NEMP2: variants seen among roughly 807,000 people sequenced by gnomAD.
NEMP2 encodes nuclear envelope integral membrane protein 2, also known as UPF0571 transmembrane protein.
A neutral mutation model predicts 54.2 loss-of-function variants in NEMP2; 53 were observed. The observed-to-expected ratio is 0.98, with a 90% confidence interval of 0.78 to 1.23. NEMP2 has a LOEUF of 1.23. NEMP2 is among the 50% of genes most tolerant of loss of function. The pLI is 0.00. For missense variants in NEMP2, 455 were observed against 511.3 expected, an observed-to-expected ratio of 0.89 and a Z score of 1.06; for synonymous variants, 197 against 190.3, an observed-to-expected ratio of 1.04 and a Z score of -0.29.
chr2:190,437,248 G>C, the NEMP2 span: 1 of 1,614,042 alleles, frequency 6.2e-7, no homozygotes, highest in Non-Finnish European at 8.5e-7. The surrounding 1 kb of genome is among the most constrained non-coding windows in gnomAD (Gnocchi z 5.9). Context: ...GAAAGAGGTG[G>C]AGATCCCGCA....
chr2:190,638,392 C>T, the NEMP2 span, among the ~76,000 whole-genome samples: 2 of 151,998 alleles, frequency 1.3e-5, no homozygotes, highest in Admixed American at 6.6e-5. This position sits in a 1 kb window ranked among gnomAD's most constrained non-coding sequence, Gnocchi z 5.7. Context: ...GAGTGGAAGG[C>T]GACAATAAGC....
the NEMP2 span, chr2:190,463,947 CTG>C: frequency 2.1e-6 from 2 of 946,996 alleles, no homozygotes; most frequent in East Asian, 2.3e-4. This position sits in a 1 kb window ranked among gnomAD's most constrained non-coding sequence, Gnocchi z 4.4. Context: ...AGACTGTAGA[CTG>C]TGCTCCAGGG....
chr2:190,429,875 C>T, the NEMP2 span, among the ~76,000 whole-genome samples: 8 of 151,598 alleles, frequency 5.3e-5, no homozygotes, highest in East Asian at 1.9e-4. Context: ...ACTTTAAGTT[C>T]TAGGGTACAT....
At chr2:190,501,437 G>T (rs976654462), downstream of NEMP2, 6 of 152,198 alleles carry the variant, frequency 3.9e-5, no homozygotes, top group African/African-American at 1.2e-4. Context: ...TGGATCGCAC[G>T]TAAAGCTTGC....
the NEMP2 span, among the ~76,000 whole-genome samples, chr2:190,457,424 GA>G: frequency 2.0e-5 from 3 of 152,150 alleles, no homozygotes; most frequent in Non-Finnish European, 2.9e-5. The surrounding 1 kb of genome is among the most constrained non-coding windows in gnomAD (Gnocchi z 5.1). Context: ...CTACCCCCAG[GA>G]CTCAGACTTT....
chr2:190,629,981 G>A, the NEMP2 span, among the ~76,000 whole-genome samples: 1 of 152,252 alleles, frequency 6.6e-6, no homozygotes, highest in Non-Finnish European at 1.5e-5. Context: ...GCTACCAAGA[G>A]GGGGATGTGC....
chr2:190,442,046 TA>T, the NEMP2 span, among the ~76,000 whole-genome samples: 1 of 152,138 alleles, frequency 6.6e-6, no homozygotes, highest in African/African-American at 2.4e-5. Flanking sequence ...AATTATTGAT[TA>T]AAAAGCAAAA....
the NEMP2 span, among the ~76,000 whole-genome samples, chr2:190,569,236 A>G: frequency 6.6e-6 from 1 of 152,348 alleles, no homozygotes; most frequent in African/African-American, 2.4e-5. Context: ...AAATGACAAT[A>G]TATGTATTTT....
rs1321547638 is a variant in NEMP2, at chr2:190,505,396, C to G, written c.*3793G>C. ...TCATGAGGTGCAAATTAAGAGGTAT[C>G]GAAGGTGCCTCATATAGTGCCTGAT... On this transcript the variant is annotated 3_prime_UTR_variant, in exon 9 of 9. Transcript: ENST00000409150. This position sits in a 1 kb window ranked among gnomAD's most constrained non-coding sequence, Gnocchi z 5.8. 1 of 152,070 alleles carries G rather than the reference C, an allele frequency of 6.6e-6. No individual in the cohort carries two copies. The highest frequency in any genetic ancestry group is 1.5e-5 in the Non-Finnish European group (1 of 68,020). 9.4% of individuals were successfully genotyped at this position (152,070 alleles called of 1,614,324 possible). A position where few individuals can be genotyped will look rare whatever the true frequency, so the allele number is the denominator to read the frequency against.
chr2:190,585,276 C>T, the NEMP2 span, among the ~76,000 whole-genome samples: 2 of 152,176 alleles, frequency 1.3e-5, no homozygotes, highest in African/African-American at 2.4e-5. This position sits in a 1 kb window ranked among gnomAD's most constrained non-coding sequence, Gnocchi z 5.3. Context: ...ATGTTTACTA[C>T]CCACTGTATA....
the NEMP2 span, among the ~76,000 whole-genome samples, chr2:190,475,560 G>A: frequency 6.6e-6 from 1 of 152,186 alleles, no homozygotes; most frequent in African/African-American, 2.4e-5. Flanking sequence ...TGAAATAAAA[G>A]AGGATACAAA....
At chr2:190,468,345 C>G in the NEMP2 span, among the ~76,000 whole-genome samples, 1 of 151,948 alleles carries the variant, frequency 6.6e-6, no homozygotes, top group Admixed American at 6.6e-5. Flanking sequence ...TTTGTCTTTT[C>G]TTCATCTTTC....
the NEMP2 span, among the ~76,000 whole-genome samples, chr2:190,494,102 T>A: frequency 6.6e-6 from 1 of 151,788 alleles, no homozygotes. The surrounding 1 kb of genome is among the most constrained non-coding windows in gnomAD (Gnocchi z 5.7). Flanking sequence ...AATTGATATA[T>A]CATTAACAAG....
chr2:190,525,436 T>C lies in NEMP2; in HGVS notation c.98-58A>G, dbSNP rs1055556055. 1 of 1,058,830 alleles carries C rather than the reference T, an allele frequency of 9.4e-7. No homozygotes were observed. The highest frequency in any genetic ancestry group is 1.4e-6 in the Non-Finnish European group (1 of 731,082). 65.6% of individuals were successfully genotyped at this position (1,058,830 alleles called of 1,614,324 possible). On this transcript the variant is annotated intron_variant, in intron 1 of 8. Transcript: ENST00000409150. The surrounding 1 kb of genome is among the most constrained non-coding windows in gnomAD (Gnocchi z 5.0). ...CTGTTTAATTGCCCAGAATCTTTTT[T>C]AAAAAAAGTTTGCAGGGAGGTAACA...
chr2:190,469,719 CT>C, the NEMP2 span: 27 of 1,178,878 alleles, frequency 2.3e-5, no homozygotes, highest in South Asian at 8.6e-5. This position sits in a 1 kb window ranked among gnomAD's most constrained non-coding sequence, Gnocchi z 5.3. Context: ...TTTTCCTTTG[CT>C]TTTTTTTATT....
the NEMP2 span, chr2:190,629,613 T>C: frequency 6.6e-6 from 1 of 152,210 alleles, no homozygotes; most frequent in Non-Finnish European, 1.5e-5. Flanking sequence ...ATGTTAAAGC[T>C]GAAGCCTAGA....
chr2:190,496,660 G>A, the NEMP2 span, among the ~76,000 whole-genome samples: 1 of 148,280 alleles, frequency 6.7e-6, no homozygotes, highest in South Asian at 2.1e-4. This position sits in a 1 kb window ranked among gnomAD's most constrained non-coding sequence, Gnocchi z 4.7. Context: ...ATGTGTATAT[G>A]TGTGTGTATG....
At chr2:190,434,252 T>C in the NEMP2 span, among the ~76,000 whole-genome samples, 1 of 151,916 alleles carries the variant, frequency 6.6e-6, no homozygotes, top group African/African-American at 2.4e-5. The surrounding 1 kb of genome is among the most constrained non-coding windows in gnomAD (Gnocchi z 4.3). Context: ...ATATACTTCC[T>C]ACCATCAGAA....
chr2:190,489,970 T>G, the NEMP2 span: 1 of 921,268 alleles, frequency 1.1e-6, no homozygotes, highest in Non-Finnish European at 1.6e-6. This position sits in a 1 kb window ranked among gnomAD's most constrained non-coding sequence, Gnocchi z 6.6. Flanking sequence ...ACAACAGGTC[T>G]GTTTGGCTCA....
Sources: gnomAD v4.1 joint callset for allele counts (sites outside exome capture counted in the v4.1 genomes callset) on GRCh38, gnomAD v4.1.1 for gene constraint, Gnocchi (gnomAD v3.1) non-coding constraint, MANE v1.5 for transcripts, NCBI Gene and HGNC (gene_info 2026-07-23, HGNC 2026-07-21) for gene names.